The following PCGF5 variants were observed in gnomAD, a reference collection of about 807,000 sequenced individuals.
PCGF5 encodes polycomb group RING finger protein 5.
Under a neutral mutation model 44.3 loss-of-function variants are expected in PCGF5, and 9 were observed. That is an observed-to-expected ratio of 0.20 (90% CI 0.12 to 0.35). The LOEUF is 0.35. PCGF5 is among the 10% of genes least tolerant of loss of function. PCGF5 has a pLI of 1.00. For synonymous variants in PCGF5, 95 were observed against 102.5 expected (o/e 0.93, Z 0.44); for missense variants, 146 against 305.3 (o/e 0.48, Z 3.89).
intron 8 of PCGF5, among the ~76,000 whole-genome samples, chr10:91,269,030 A>G (rs541348100): frequency 6.0e-4 from 91 of 152,310 alleles, no homozygotes; most frequent in South Asian, 1.4e-3. Flanking sequence ...TTGATCTTTA[A>G]TGCAAATTCA....
At chr10:91,238,668 C>T (rs1845244806) in intron 2 of PCGF5, among the ~76,000 whole-genome samples, 1 of 122,906 alleles carries the variant, frequency 8.1e-6, no homozygotes, top group East Asian at 2.4e-4. Flanking sequence ...ATCTATCATC[C>T]CTGGGAAAAG....
intron 1 of PCGF5, among the ~76,000 whole-genome samples, chr10:91,213,570 T>G (rs1475900603): frequency 6.6e-6 from 1 of 152,156 alleles, no homozygotes; most frequent in East Asian, 1.9e-4. Context: ...GTTCAAGCGA[T>G]TCTCCTGCCT....
chr10:91,159,251 T>TG (rs540258735), upstream of PCGF5, among the ~76,000 whole-genome samples: 16 of 145,486 alleles, frequency 1.1e-4, no homozygotes, highest in South Asian at 3.6e-3. Flanking sequence ...GAAGTCATAA[T>TG]TTTTTTTTGC....
chr10:91,201,189 G>A (rs141437321), intron 1 of PCGF5, among the ~76,000 whole-genome samples: 19 of 152,280 alleles, frequency 1.2e-4, no homozygotes, highest in Non-Finnish European at 2.6e-4. Context: ...TATTGCTTAC[G>A]TATCTGGAGG....
chr10:91,224,443 A>G lies in PCGF5; in HGVS notation c.112+1460A>G, dbSNP rs1419900741. On this transcript the variant is annotated intron_variant, in intron 2 of 9. Transcript: ENST00000336126. ...GGCATGAGATAATAAAGAAGGGCAC[A>G]AGATAATAAAGAAGTCTCTGCTCAA... Among the ~76,000 whole-genome samples, 5 of 152,230 alleles carry G rather than the reference A, an allele frequency of 3.3e-5. No individual in the cohort carries two copies. In the East Asian group the frequency reaches 9.6e-4, roughly 29 times the overall value.
chr10:91,246,645 AGGTGGGACAGATATTGAGAGG>A, intron 3 of PCGF5, among the ~76,000 whole-genome samples: 1 of 152,272 alleles, frequency 6.6e-6, no homozygotes, highest in Non-Finnish European at 1.5e-5. Context: ...TTGGGAGAAT[AGGTGGGACAGATATTGAGAGG>A]GAGCTCTGAA....
intron 2 of PCGF5, among the ~76,000 whole-genome samples, chr10:91,224,820 G>A (rs1453264497): frequency 6.6e-6 from 1 of 152,142 alleles, no homozygotes; most frequent in African/African-American, 2.4e-5. Context: ...AGGTGGAGAA[G>A]GGTGGTTGTA....
At chr10:91,277,178 A>G (rs545709920) in intron 9 of PCGF5, among the ~76,000 whole-genome samples, 1 of 152,354 alleles carries the variant, frequency 6.6e-6, no homozygotes, top group South Asian at 2.1e-4. Flanking sequence ...GAATGGTTAC[A>G]GATTCCAACA....
In PCGF5 at chr10:91,198,711, T is replaced by A. The variant is rs546243271; in HGVS notation, c.-183-23978T>A. Among the ~76,000 whole-genome samples, 793 of 152,352 alleles carry A rather than the reference T, an allele frequency of 5.2e-3. 7 individuals are homozygous for A. The highest frequency in any genetic ancestry group is 0.018 in the African/African-American group (742 of 41,576). On this transcript the variant is annotated intron_variant, in intron 1 of 9. Coordinates refer to the PCGF5 transcript ENST00000614189. ...CCCTGGCCTATTCAGTAGCATTGAA[T>A]CAATCCTGAGTTTAATTAGCAGCAA...
intron 1 of PCGF5, among the ~76,000 whole-genome samples, chr10:91,172,050 A>G (rs896950587): frequency 1.3e-5 from 2 of 152,150 alleles, no homozygotes; most frequent in African/African-American, 4.8e-5. Context: ...ACATTTTTAG[A>G]TATATGTGAT....
At chr10:91,268,168 CTG>C (rs1846090899) in intron 8 of PCGF5, among the ~76,000 whole-genome samples, 1 of 152,054 alleles carries the variant, frequency 6.6e-6, no homozygotes, top group African/African-American at 2.4e-5. Flanking sequence ...AGGTCTTACT[CTG>C]TACCAGCATT....
chr10:91,184,906 G>C (rs1237931512), intron 1 of PCGF5, among the ~76,000 whole-genome samples: 3 of 152,166 alleles, frequency 2.0e-5, no homozygotes. Context: ...ATCCCAGGGA[G>C]TTATGGACCT....
At position 91,278,523 on chromosome 10, in the gene PCGF5, T is replaced by A; in HGVS notation, c.*207T>A. 1.8e-6 allele frequency: 1 copy of A among 565,508 alleles called. No homozygotes were observed. The highest frequency in any genetic ancestry group is 3.2e-6 in the Non-Finnish European group (1 of 313,904). 35.0% of individuals were successfully genotyped at this position (565,508 alleles called of 1,614,324 possible). Reference sequence around the variant, plus strand: ...AGTGCCATTCTGCTACTGAACCATCTGCATAAGGTATTTGTGTTGTCTCAA... The same window carrying A: ...AGTGCCATTCTGCTACTGAACCATCAGCATAAGGTATTTGTGTTGTCTCAA... On this transcript the variant is annotated 3_prime_UTR_variant, in exon 10 of 10. Coordinates refer to ENST00000336126, the MANE Select transcript of PCGF5 (RefSeq NM_032373.5).
Position 91,195,485 on chromosome 10 carries a change from TAG to T in PCGF5, c.-183-27182_-183-27181del, listed in dbSNP as rs57633765. On this transcript the variant is annotated intron_variant, in intron 1 of 9. Transcript: ENST00000614189. ...ATATATGCATGCATATATATATATA[TAG>T]AGAGAGAGAGAGAGAGAGAGACGCA... 5.9e-3 allele frequency among the ~76,000 whole-genome samples: 666 copies of T among 113,484 alleles called. 3 individuals are homozygous for T. Among genetic ancestry groups the T allele is most frequent in the African/African-American group, 0.019 (593 of 31,614 alleles). The allele number at this position is 113,484 out of a possible 152,430, so 74.4% of individuals were successfully genotyped here.
chr10:91,221,479 G>T (rs1407462658), intron 1 of PCGF5, among the ~76,000 whole-genome samples: 1 of 152,148 alleles, frequency 6.6e-6, no homozygotes, highest in East Asian at 1.9e-4. Context: ...TTTTAATTAT[G>T]CTTGCTTTCT....
chr10:91,195,559 A>G (rs1241800327), intron 1 of PCGF5, among the ~76,000 whole-genome samples: 1 of 151,190 alleles, frequency 6.6e-6, no homozygotes, highest in Non-Finnish European at 1.5e-5. Flanking sequence ...GTCACGGCTC[A>G]CTGCAGCCTT....
At chr10:91,265,210 C>T (rs1846021115) in intron 8 of PCGF5, among the ~76,000 whole-genome samples, 1 of 152,034 alleles carries the variant, frequency 6.6e-6, no homozygotes, top group African/African-American at 2.4e-5. Flanking sequence ...ACAGTAGTAA[C>T]TTAGGTTCTA....
chr10:91,176,796 T>G (rs1843715956), intron 1 of PCGF5, among the ~76,000 whole-genome samples: 1 of 152,216 alleles, frequency 6.6e-6, no homozygotes, highest in African/African-American at 2.4e-5. Flanking sequence ...TTATTCTAGT[T>G]AGCCATTCAT....
chr10:91,170,525 G>A (rs1490407468), intron 1 of PCGF5, among the ~76,000 whole-genome samples: 1 of 152,176 alleles, frequency 6.6e-6, no homozygotes, highest in Non-Finnish European at 1.5e-5. Flanking sequence ...CACATCATAT[G>A]TCATCAGGAA....
Sources: allele counts gnomAD v4.1 joint callset (sites outside exome capture counted in the v4.1 genomes callset), GRCh38; gene constraint gnomAD v4.1.1; transcripts MANE v1.5; gene names NCBI Gene and HGNC (gene_info 2026-07-23, HGNC 2026-07-21).